Variants in HSPB6 observed in about 807,000 individuals in gnomAD.
The protein encoded by HSPB6 is heat shock protein beta-6.
HSPB6 carries 8 observed loss-of-function variants against 10.7 expected under a neutral mutation model. That is an observed-to-expected ratio of 0.75 (90% CI 0.44 to 1.35). HSPB6 has a LOEUF of 1.35. Ranked by LOEUF, HSPB6 falls within the 40% of genes most tolerant of loss-of-function variation. The pLI, the probability that HSPB6 is intolerant of heterozygous loss-of-function variation, is 0.00. For synonymous variants in HSPB6, 128 were observed against 114.2 expected (o/e 1.12, Z -0.77); for missense variants, 232 against 236.0 (o/e 0.98, Z 0.11).
Position 35,754,585 on chromosome 19 carries a change from T to C in HSPB6, c.*937A>G, listed in dbSNP as rs1173837351. The C allele has an allele frequency of 1.0e-6, 1 of 967,944 alleles. No individual in the cohort carries two copies. The highest frequency in any genetic ancestry group is 1.6e-6 in the Non-Finnish European group (1 of 617,220). 60.0% of individuals were successfully genotyped at this position (967,944 alleles called of 1,614,324 possible). A position where few individuals can be genotyped will look rare whatever the true frequency, so the allele number is the denominator to read the frequency against. On this transcript the variant is annotated 3_prime_UTR_variant, in exon 3 of 3. Transcript: ENST00000004982. Reference sequence around the variant, plus strand: ...AAGCAGTTGGCAGAGCTCTAGCACATTTATTGGGAGAGTAAGCCTGGGAAA... The same window carrying C: ...AAGCAGTTGGCAGAGCTCTAGCACACTTATTGGGAGAGTAAGCCTGGGAAA...
chr19:35,756,778 G>A, intron 1 of HSPB6, 33 bp downstream of exon 1: 1 of 1,531,780 alleles, frequency 6.5e-7, no homozygotes, highest in Non-Finnish European at 8.7e-7. Context: ...GGCAATGGAA[G>A]TGGTCGAGTT....
At position 35,755,558 on chromosome 19, in the gene HSPB6, C is replaced by T. The variant is rs746388679; in HGVS notation, c.447G>A (p.Ala149=). The change falls in exon 3 of 3, where the codon GCG becomes GCA. Residue 149 remains alanine, a synonymous_variant. Transcript: ENST00000004982. ...EGVLSIQAAP[A]SAQAPPPAAA... ...CGGCTGGCGGTGGGGCCTGGGCCGA[C>T]GCTGGTGCGGCCTGGATGGACAGGA... The T allele has an allele frequency of 6.6e-7, 1 of 1,525,974 alleles. No homozygotes were observed. Among genetic ancestry groups the T allele is most frequent in the South Asian group, 1.2e-5 (1 of 82,932 alleles). The allele number at this position is 1,525,974 out of a possible 1,614,324, so 94.5% of individuals were successfully genotyped here.
rs1479830714 is a variant in HSPB6 at position 35,754,806 on chromosome 19, CAG to C, written c.*714_*715del. On this transcript the variant is annotated 3_prime_UTR_variant, in exon 3 of 3. Transcript: ENST00000004982. Reference sequence around the variant, plus strand: ...GGGGAGGGGGCCTAGGACATCCGTGCAGAGTCTGGGGAGGTTGGGGTGGGAGA... The same window carrying C: ...GGGGAGGGGGCCTAGGACATCCGTGCAGTCTGGGGAGGTTGGGGTGGGAGA... The C allele has an allele frequency of 9.4e-6, 4 of 426,382 alleles. No homozygotes were observed. The East Asian group carries it at 2.0e-4, about 21-fold the overall frequency. 26.4% of individuals were successfully genotyped at this position (426,382 alleles called of 1,614,324 possible).
rs1349988225 is a variant in HSPB6 at position 35,755,675 on chromosome 19, G to C, written c.330C>G (p.His110Gln). The C allele has an allele frequency of 6.5e-7, 1 of 1,535,252 alleles. No homozygotes were observed. Among genetic ancestry groups the C allele is most frequent in the East Asian group, 2.5e-5 (1 of 40,086 alleles). Residue 110 changes from histidine (H) to glutamine (Q), a missense_variant, in exon 3 of 3, where the codon CAC becomes CAG. His to Gln is a conservative substitution (Grantham distance 24). Transcript: ENST00000004982. ...GGTGGAACTCGCGCGCGACGAATCCGTGCTCATCCTGGAGGGGAGGGAGGC... is the reference window on the plus strand; with the variant it reads ...GGTGGAACTCGCGCGCGACGAATCCCTGCTCATCCTGGAGGGGAGGGAGGC... The part of the protein sequence containing the change: ...HARHEERPDE[H>Q]GFVAREFHRR...
rs75341119 is a variant in HSPB6 at position 35,756,420 on chromosome 19, T to G, written c.198+391A>C. ...CCTCTCCCCTCCTCTTCTGGAGATA[T>G]CGGGCCACCGCACACAGTCTCTCAA... On this transcript the variant is annotated intron_variant, in intron 1 of 2. Coordinates refer to ENST00000004982, the MANE Select transcript of HSPB6 (RefSeq NM_144617.3). Among the ~76,000 whole-genome samples, 90 of 152,248 alleles carry G rather than the reference T, an allele frequency of 5.9e-4. No homozygotes were observed. In the Middle Eastern group the frequency reaches 0.01, roughly 17 times the overall value.
At chr19:35,756,322 C>G (rs1194803024) in intron 1 of HSPB6, among the ~76,000 whole-genome samples, 1 of 152,112 alleles carries the variant, frequency 6.6e-6, no homozygotes, top group Admixed American at 6.5e-5. Context: ...ACTCGAGTCA[C>G]GGGACCTCGG....
At position 35,755,680 on chromosome 19, in the gene HSPB6, C is replaced by A; in HGVS notation, c.325G>T (p.Glu109Ter). 1 of 1,535,200 alleles carries A rather than the reference C, an allele frequency of 6.5e-7. No individual in the cohort carries two copies. The highest frequency in any genetic ancestry group is 8.7e-7 in the Non-Finnish European group (1 of 1,142,966). The change falls in exon 3 of 3, where the codon GAG (glutamate) becomes TAG (stop). Residue 109 changes from glutamate (E) to a stop codon, truncating the protein, a stop_gained. Coordinates refer to ENST00000004982, the MANE Select transcript of HSPB6 (RefSeq NM_144617.3). LOFTEE classifies it high-confidence loss of function. ...VHARHEERPD[E>*]HGFVAREFHR... Reference sequence around the variant, plus strand: ...AACTCGCGCGCGACGAATCCGTGCTCATCCTGGAGGGGAGGGAGGCTTGAG... The same window carrying A: ...AACTCGCGCGCGACGAATCCGTGCTAATCCTGGAGGGGAGGGAGGCTTGAG...
chr19:35,756,720 A>G, intron 1 of HSPB6, 91 bp downstream of exon 1: 1 of 1,360,476 alleles, frequency 7.4e-7, no homozygotes, highest in Non-Finnish European at 1.0e-6. Flanking sequence ...GCCCAAGGCC[A>G]ACGAACATTC....
At position 35,755,050 on chromosome 19, in the gene HSPB6, C is replaced by T; in HGVS notation, c.*472G>A. The T allele has an allele frequency of 5.0e-6, 1 of 201,728 alleles. No individual in the cohort carries two copies. The highest frequency in any genetic ancestry group is 8.4e-6 in the Non-Finnish European group (1 of 118,898). The allele number at this position is 201,728 out of a possible 1,614,324, so 12.5% of individuals were successfully genotyped here. The stretch of plus-strand genomic sequence containing the variant: ...AGTGGGAGGTCTGTGCAGTCCAGGA[C>T]GTTTGGGGGGTGGGGGGATTGTGCC... On this transcript the variant is annotated 3_prime_UTR_variant, in exon 3 of 3. Coordinates refer to ENST00000004982, the MANE Select transcript of HSPB6 (RefSeq NM_144617.3).
In HSPB6 at chr19:35,754,761, G is replaced by A. The variant is rs970998444; in HGVS notation, c.*761C>T. The A allele has an allele frequency of 6.0e-6, 3 of 502,600 alleles. No homozygotes were observed. The Admixed American group carries it at 9.8e-5, about 16-fold the overall frequency. The allele number at this position is 502,600 out of a possible 1,614,324, so 31.1% of individuals were successfully genotyped here. A position where few individuals can be genotyped will look rare whatever the true frequency, so the allele number is the denominator to read the frequency against. The stretch of plus-strand genomic sequence containing the variant: ...GGGTCAAGACAAAGGGACTTAGGGG[G>A]ATGGGGTCTGGTTAGAGTTGGGGAG... On this transcript the variant is annotated 3_prime_UTR_variant, in exon 3 of 3. Transcript: ENST00000004982.
Position 35,756,965 on chromosome 19 carries a change from G to C in HSPB6, c.44C>G (p.Ala15Gly). 1 of 1,545,126 alleles carries C rather than the reference G, an allele frequency of 6.5e-7. No individual in the cohort carries two copies. The highest frequency in any genetic ancestry group is 2.4e-5 in the East Asian group (1 of 40,908). ...CGAAAGTCCGGGCAACGGGGCCGAG[G>C]CGCGGCGCAGCCAAGACGGCTGCAC... ...VPVQPSWLRR[A>G]SAPLPGLSAP... Residue 15 changes from alanine (A) to glycine (G), a missense_variant, in exon 1 of 3, where the codon GCC (alanine) becomes GGC (glycine). By Grantham distance (60) the Ala-to-Gly change is moderately conservative. Coordinates refer to ENST00000004982, the MANE Select transcript of HSPB6 (RefSeq NM_144617.3).
chr19:35,755,558 C>A lies in HSPB6; in HGVS notation c.447G>T (p.Ala149=), dbSNP rs746388679. 1.6e-5 allele frequency: 25 copies of A among 1,525,858 alleles called. No homozygotes were observed. The Middle Eastern group carries it at 5.0e-4, about 31-fold the overall frequency. The allele number at this position is 1,525,858 out of a possible 1,614,324, so 94.5% of individuals were successfully genotyped here. Residue 149 remains alanine, a synonymous_variant, in exon 3 of 3, where the codon GCG becomes GCT. Transcript: ENST00000004982. ...CGGCTGGCGGTGGGGCCTGGGCCGA[C>A]GCTGGTGCGGCCTGGATGGACAGGA... ...EGVLSIQAAP[A]SAQAPPPAAA...
Position 35,754,931 on chromosome 19 carries a change from T to A in HSPB6, c.*591A>T, listed in dbSNP as rs867395643. 1.2e-4 allele frequency: 34 copies of A among 282,598 alleles called. No individual in the cohort carries two copies. Among genetic ancestry groups the A allele is most frequent in the Admixed American group, 1.2e-3 (24 of 20,282 alleles). 17.5% of individuals were successfully genotyped at this position (282,598 alleles called of 1,614,324 possible). A position where few individuals can be genotyped will look rare whatever the true frequency, so the allele number is the denominator to read the frequency against. ...CAGAGTCTGGTGTGGCTGGCTGGGG[T>A]TTCACGGCAGAAAATGGGCTGGAGG... On this transcript the variant is annotated 3_prime_UTR_variant, in exon 3 of 3. Transcript: ENST00000004982.
chr19:35,756,722 C>A (rs1247042150), intron 1 of HSPB6, 89 bp downstream of exon 1: 3 of 1,370,698 alleles, frequency 2.2e-6, no homozygotes, highest in African/African-American at 1.4e-5. Flanking sequence ...CCAAGGCCAA[C>A]GAACATTCTC....
chr19:35,756,902 C>T lies in HSPB6; in HGVS notation c.107G>A (p.Gly36Glu). 6.5e-7 allele frequency: 1 copy of T among 1,539,306 alleles called. No individual in the cohort carries two copies. Among genetic ancestry groups the T allele is most frequent in the Non-Finnish European group, 8.7e-7 (1 of 1,145,970 alleles). The stretch of plus-strand genomic sequence containing the variant: ...CGCAGCCAGCTCGGCCTCCAGCAGC[C>T]CCTCGCCGAAGCGCTGGTCAAAGAG... ...GRLFDQRFGE[G>E]LLEAELAALC... Residue 36 changes from glycine (G) to glutamate (E), a missense_variant, in exon 1 of 3, where the codon GGG becomes GAG. Physicochemically the swap from Gly to Glu is moderately conservative, Grantham distance 98 (BLOSUM62 -2). Coordinates refer to ENST00000004982, the MANE Select transcript of HSPB6 (RefSeq NM_144617.3).
intron 1 of HSPB6, 136 bp from the exon 2 acceptor site, chr19:35,756,030 C>A (rs1194195153): frequency 2.9e-5 from 37 of 1,265,326 alleles, no homozygotes; most frequent in Non-Finnish European, 3.7e-5. Context: ...AGCTCTCCTA[C>A]TGGGAGTCAC....
rs1970740402 is a variant in HSPB6, at chr19:35,755,468, T to C, written c.*54A>G. ...TGGCTGGGCGGAGTCAGATCGGCTT[T>C]AATAGAGGGAGCCTGAGGAGGCTCC... On this transcript the variant is annotated 3_prime_UTR_variant, in exon 3 of 3. Coordinates refer to ENST00000004982, the MANE Select transcript of HSPB6 (RefSeq NM_144617.3). The C allele has an allele frequency of 6.6e-7, 1 of 1,507,618 alleles. No individual in the cohort carries two copies. The highest frequency in any genetic ancestry group is 1.2e-5 in the South Asian group (1 of 82,618). The allele number at this position is 1,507,618 out of a possible 1,614,324, so 93.4% of individuals were successfully genotyped here.
In HSPB6 at chr19:35,755,216, C is replaced by G; in HGVS notation, c.*306G>C. On this transcript the variant is annotated 3_prime_UTR_variant, in exon 3 of 3. Transcript: ENST00000004982. ...GAGGGGTCTTAAGTGGGGCTATATG[C>G]CAAGAAAGTGGGTCGGTGGGGCTGA... The G allele has an allele frequency of 1.8e-6, 1 of 560,966 alleles. No individual in the cohort carries two copies. The allele number at this position is 560,966 out of a possible 1,614,324, so 34.7% of individuals were successfully genotyped here.
rs1427065800 is a variant in HSPB6 at position 35,755,881 on chromosome 19, G to A, written c.212C>T (p.Pro71Leu). 1 of 1,570,628 alleles carries A rather than the reference G, an allele frequency of 6.4e-7. No homozygotes were observed. The change falls in exon 2 of 3, where the codon CCC (proline) becomes CTC (leucine). Residue 71 changes from proline to leucine, a missense_variant. Physicochemically the swap from Pro to Leu is moderately conservative, Grantham distance 98. Coordinates refer to ENST00000004982, the MANE Select transcript of HSPB6 (RefSeq NM_144617.3). ...ALPVAQVPTD[P>L]GHFSVLLDVK... Reference sequence around the variant, plus strand: ...GTCTAGCAGCACCGAAAAGTGGCCGGGGTCCGTCGGCACCTGAGCGCAGCG... The same window carrying A: ...GTCTAGCAGCACCGAAAAGTGGCCGAGGTCCGTCGGCACCTGAGCGCAGCG...
Sources: allele counts gnomAD v4.1 joint callset (sites outside exome capture counted in the v4.1 genomes callset), GRCh38; gene constraint gnomAD v4.1.1; transcripts MANE v1.5; gene names NCBI Gene and HGNC (gene_info 2026-07-23, HGNC 2026-07-21).